The following NYAP2 variants were observed in gnomAD, a reference collection of about 807,000 sequenced individuals.
The protein encoded by NYAP2 is neuronal tyrosine-phosphorylated phosphoinositide-3-kinase adaptor 2.
In NYAP2, 23 loss-of-function variants were observed where a neutral mutation model predicts 50.4. That is an observed-to-expected ratio of 0.46 (90% CI 0.33 to 0.65). NYAP2 has a LOEUF of 0.65. Ranked by LOEUF, NYAP2 falls within the 30% of genes least tolerant of loss-of-function variation. The pLI is 0.02. For synonymous variants in NYAP2, 394 were observed against 365.2 expected, an observed-to-expected ratio of 1.08 and a Z score of -0.90; for missense variants, 885 against 861.0, an observed-to-expected ratio of 1.03 and a Z score of -0.35.
At chr2:225,503,414 C>T (rs761192609) in intron 3 of NYAP2, among the ~76,000 whole-genome samples, 12 of 151,946 alleles carry the variant, frequency 7.9e-5, no homozygotes, top group Non-Finnish European at 1.5e-4. Context: ...TCCAAAGTAC[C>T]GTAGATAATA....
intron 3 of NYAP2, among the ~76,000 whole-genome samples, chr2:225,467,793 AC>A (rs1284692343): frequency 1.3e-5 from 2 of 152,236 alleles, no homozygotes; most frequent in South Asian, 2.1e-4. Context: ...CACCACACTT[AC>A]AAAAATAACT....
At chr2:225,677,014 T>G in the NYAP2 span, among the ~76,000 whole-genome samples, 4 of 152,296 alleles carry the variant, frequency 2.6e-5, no homozygotes, top group South Asian at 8.3e-4. Context: ...CCATTTTAAC[T>G]ATACAGATTC....
the NYAP2 span, among the ~76,000 whole-genome samples, chr2:225,660,506 G>A: frequency 7.7e-6 from 1 of 129,944 alleles, no homozygotes; most frequent in Non-Finnish European, 1.6e-5. Flanking sequence ...AGTTTTAAAT[G>A]CCTATTTTTT....
chr2:225,513,004 T>G (rs1285394505), intron 3 of NYAP2, among the ~76,000 whole-genome samples: 3 of 152,084 alleles, frequency 2.0e-5, no homozygotes, highest in Non-Finnish European at 2.9e-5. Context: ...GGAATGGTTT[T>G]GATGAAGTGG....
At chr2:225,513,828 T>G (rs946145178) in intron 4 of NYAP2, among the ~76,000 whole-genome samples, 156 bp downstream of exon 4, 2 of 152,252 alleles carry the variant, frequency 1.3e-5, no homozygotes, top group Non-Finnish European at 2.9e-5. Flanking sequence ...AGGTTATTTA[T>G]TGATGTGTTG....
intron 3 of NYAP2, among the ~76,000 whole-genome samples, chr2:225,419,829 A>G (rs1252830549): frequency 6.6e-6 from 1 of 152,168 alleles, no homozygotes; most frequent in Non-Finnish European, 1.5e-5. Context: ...TTCCATGTAG[A>G]GTAGAAAGCA....
chr2:225,579,261 T>C (rs920311009), intron 4 of NYAP2, among the ~76,000 whole-genome samples: 1 of 152,156 alleles, frequency 6.6e-6, no homozygotes, highest in African/African-American at 2.4e-5. Context: ...TGAATTTTTT[T>C]GTGGAAGAAT....
intron 3 of NYAP2, among the ~76,000 whole-genome samples, chr2:225,499,302 T>C (rs1690560038): frequency 6.6e-6 from 1 of 150,804 alleles, no homozygotes; most frequent in Admixed American, 6.6e-5. Context: ...TTTATGCCAC[T>C]AGCAAGGAAA....
rs568575333 is a variant in NYAP2, at chr2:225,446,959, G to C, written c.221+37858G>C. On this transcript the variant is annotated intron_variant, in intron 3 of 6. Coordinates refer to ENST00000636099, the Ensembl canonical transcript of NYAP2. ...AGGCTATCTGAAGACAAAGCAGACAGTGTCTCTTTCACCGAGAAGCCAAGC... is the reference window on the plus strand; with the variant it reads ...AGGCTATCTGAAGACAAAGCAGACACTGTCTCTTTCACCGAGAAGCCAAGC... 5.9e-5 allele frequency among the ~76,000 whole-genome samples: 9 copies of C among 152,218 alleles called. No individual in the cohort carries two copies. The South Asian group carries it at 1.7e-3, about 28-fold the overall frequency.
chr2:225,565,148 T>C (rs1691940611), intron 4 of NYAP2, among the ~76,000 whole-genome samples: 1 of 152,004 alleles, frequency 6.6e-6, no homozygotes, highest in Non-Finnish European at 1.5e-5. Context: ...AAAAAAGTTT[T>C]AATAAAAATT....
At chr2:225,676,604 A>G in the NYAP2 span, among the ~76,000 whole-genome samples, 1 of 152,126 alleles carries the variant, frequency 6.6e-6, no homozygotes, top group Non-Finnish European at 1.5e-5. Flanking sequence ...GCTTGTACAG[A>G]GCAACTTCTA....
At chr2:225,473,353 T>G (rs1252220348) in intron 3 of NYAP2, among the ~76,000 whole-genome samples, 3 of 152,218 alleles carry the variant, frequency 2.0e-5, no homozygotes, top group Non-Finnish European at 4.4e-5. Flanking sequence ...CAAATGGTAT[T>G]TCTAGTTCTA....
At chr2:225,423,720 C>T (rs191365528) in intron 3 of NYAP2, among the ~76,000 whole-genome samples, 6 of 152,236 alleles carry the variant, frequency 3.9e-5, no homozygotes, top group African/African-American at 9.6e-5. Context: ...GTGACAGGCT[C>T]ATAATGCTCA....
intron 5 of NYAP2, among the ~76,000 whole-genome samples, chr2:225,589,091 C>G (rs1692442952): frequency 6.6e-6 from 1 of 151,890 alleles, no homozygotes; most frequent in African/African-American, 2.4e-5. Flanking sequence ...ATTGTAATAT[C>G]AAATCAAAAA....
At chr2:225,594,039 A>G (rs1692556774) in intron 5 of NYAP2, among the ~76,000 whole-genome samples, 3 of 152,192 alleles carry the variant, frequency 2.0e-5, no homozygotes, top group Admixed American at 6.5e-5. Flanking sequence ...AAGCATTTAA[A>G]TTTGGACCAT....
intron 3 of NYAP2, among the ~76,000 whole-genome samples, chr2:225,433,020 G>A (rs570516280): frequency 6.6e-6 from 1 of 152,206 alleles, no homozygotes; most frequent in Admixed American, 6.5e-5. Context: ...GGGATGTTGG[G>A]AAGTATAGTT....
chr2:225,622,560 T>C (rs568718069), intron 5 of NYAP2, among the ~76,000 whole-genome samples: 5 of 19,780 alleles, frequency 2.5e-4, no homozygotes, highest in African/African-American at 4.4e-4. Context: ...TTTCTTTCTT[T>C]TTCTTTCTTT....
At chr2:225,570,016 GCAC>G (rs1692038845) in intron 4 of NYAP2, among the ~76,000 whole-genome samples, 1 of 152,188 alleles carries the variant, frequency 6.6e-6, no homozygotes, top group Admixed American at 6.5e-5. Context: ...AATGTCTGCA[GCAC>G]CACCACTGTT....
At chr2:225,487,920 A>G (rs181995478) in intron 3 of NYAP2, among the ~76,000 whole-genome samples, 3 of 152,274 alleles carry the variant, frequency 2.0e-5, no homozygotes, top group African/African-American at 7.2e-5. Context: ...TCTATGTATG[A>G]TGGCACATCT....
Sources: allele counts gnomAD v4.1 joint callset (sites outside exome capture counted in the v4.1 genomes callset), GRCh38; gene constraint gnomAD v4.1.1; transcripts MANE v1.5; gene names NCBI Gene and HGNC (gene_info 2026-07-23, HGNC 2026-07-21).